SLC39A10: variants seen among roughly 807,000 people sequenced by gnomAD.
SLC39A10 encodes solute carrier family 39 member 10, also known as zinc transporter ZIP10.
Under a neutral mutation model 65.1 loss-of-function variants are expected in SLC39A10, and 13 were observed. That is an observed-to-expected ratio of 0.20 (90% CI 0.13 to 0.32). SLC39A10 has a LOEUF of 0.32. SLC39A10 is among the 10% of genes least tolerant of loss of function. The probability of loss-of-function intolerance (pLI) is 1.00; values close to 1 mark genes in which losing one functional copy is unlikely to be tolerated. For synonymous variants in SLC39A10, 321 were observed against 342.2 expected (o/e 0.94, Z 0.68); for missense variants, 831 against 1,018.4 (o/e 0.82, Z 2.50).
At chr2:195,625,723 A>G (rs1688459817) in intron 2 of SLC39A10, among the ~76,000 whole-genome samples, 1 of 152,204 alleles carries the variant, frequency 6.6e-6, no homozygotes, top group Non-Finnish European at 1.5e-5. Flanking sequence ...TTAAGATAAG[A>G]TCTTTGTTCA....
chr2:195,730,162 CCT>C lies in SLC39A10; in HGVS notation c.2337+1814_2337+1815del, dbSNP rs145901201. ...GAGCCAAACCTAAGCAGGTTTTCCC[CCT>C]GACTTTTCTGCCAGAACTGCTTTTG... is the stretch of plus-strand genomic sequence containing the variant. On this transcript the variant is annotated intron_variant, in intron 9 of 9. Coordinates refer to ENST00000359634, the MANE Select transcript of SLC39A10 (RefSeq NM_020342.3). Among the ~76,000 whole-genome samples the C allele has an allele frequency of 4.8e-3, 730 of 152,014 alleles. 15 individuals are homozygous for C. The East Asian group carries it at 0.074, about 15-fold the overall frequency.
intron 7 of SLC39A10, chr2:195,717,509 C>T (rs1201110245): frequency 6.6e-6 from 1 of 152,420 alleles, no homozygotes; most frequent in East Asian, 1.9e-4. Context: ...GAGATCCAGA[C>T]TCTTTTAGCA....
chr2:195,683,552 T>C, intron 2 of SLC39A10, 147 bp from the exon 3 acceptor site: 1 of 622,506 alleles, frequency 1.6e-6, no homozygotes, highest in Non-Finnish European at 2.7e-6. Context: ...CAAATTCTTA[T>C]TAAAAAGTTT....
At chr2:195,685,962 A>T (rs1690509168) in intron 3 of SLC39A10, among the ~76,000 whole-genome samples, 1 of 152,244 alleles carries the variant, frequency 6.6e-6, no homozygotes, top group Admixed American at 6.5e-5. Context: ...GTATACTTCG[A>T]TAATGAATGT....
chr2:195,649,150 C>CA (rs1253072065), intron 2 of SLC39A10, among the ~76,000 whole-genome samples: 2 of 151,272 alleles, frequency 1.3e-5, no homozygotes, highest in African/African-American at 4.9e-5. Context: ...AAAAACAAAA[C>CA]AAAAAAAGAA....
intron 3 of SLC39A10, among the ~76,000 whole-genome samples, chr2:195,698,118 GT>G (rs1382079049): frequency 6.6e-6 from 1 of 151,368 alleles, no homozygotes; most frequent in Admixed American, 6.6e-5. Flanking sequence ...AATCTTTTTT[GT>G]TTTTTTTAAA....
rs1574294865 is a variant in SLC39A10 at position 195,706,475 on chromosome 2, T to A, written c.1217-141T>A. ...ATATGTCATATTTTTGTTTTGTTTT[T>A]AAACAATGCCTTAAAGCTTTCATAA... On this transcript the variant is annotated intron_variant, in intron 3 of 9. Coordinates refer to ENST00000359634, the MANE Select transcript of SLC39A10 (RefSeq NM_020342.3). 9.6e-6 allele frequency: 7 copies of A among 732,122 alleles called. No homozygotes were observed. The East Asian group carries it at 1.9e-4, about 20-fold the overall frequency. The allele number at this position is 732,122 out of a possible 1,614,324, so 45.4% of individuals were successfully genotyped here.
At chr2:195,668,324 G>A (rs1332007154) in intron 1 of SLC39A10, among the ~76,000 whole-genome samples, 1 of 152,172 alleles carries the variant, frequency 6.6e-6, no homozygotes. Context: ...AAAAAATGAA[G>A]TCCTTTATGA....
chr2:195,724,724 A>G (rs1692173936), intron 8 of SLC39A10, among the ~76,000 whole-genome samples: 1 of 152,194 alleles, frequency 6.6e-6, no homozygotes, highest in African/African-American at 2.4e-5. Context: ...TATTGTTAAG[A>G]TGTTAATTTT....
chr2:195,630,575 G>A (rs1688566097), intron 2 of SLC39A10, among the ~76,000 whole-genome samples: 1 of 152,164 alleles, frequency 6.6e-6, no homozygotes, highest in South Asian at 2.1e-4. Flanking sequence ...GTAGAAGAAG[G>A]GCAAGAGAAG....
chr2:195,654,000 A>T (rs4850371), upstream of SLC39A10, among the ~76,000 whole-genome samples: 1 of 151,952 alleles, frequency 6.6e-6, no homozygotes, highest in Non-Finnish European at 1.5e-5. Context: ...GTGCAATGGC[A>T]TGATCTCGGC....
At chr2:195,721,677 A>C (rs572999537) in intron 8 of SLC39A10, among the ~76,000 whole-genome samples, 1 of 152,192 alleles carries the variant, frequency 6.6e-6, no homozygotes, top group Non-Finnish European at 1.5e-5. Context: ...AATCAAGGCT[A>C]TCAGTTTTTA....
At chr2:195,630,305 G>T (rs192954498) in intron 2 of SLC39A10, among the ~76,000 whole-genome samples, 61 of 152,178 alleles carry the variant, frequency 4.0e-4, no homozygotes, top group African/African-American at 1.4e-3. Context: ...TAGCATGTTT[G>T]TTGGTTTATT....
chr2:195,660,796 A>G (rs1175416367), intron 1 of SLC39A10, among the ~76,000 whole-genome samples: 1 of 152,194 alleles, frequency 6.6e-6, no homozygotes, highest in Non-Finnish European at 1.5e-5. Flanking sequence ...TATATATTTA[A>G]TCTGGGCTTC....
At chr2:195,733,065 T>C (rs990687860) in intron 9 of SLC39A10, among the ~76,000 whole-genome samples, 2 of 152,248 alleles carry the variant, frequency 1.3e-5, no homozygotes, top group African/African-American at 4.8e-5. Context: ...TGCTAAAATA[T>C]ACCATAGCAC....
At chr2:195,687,606 G>A (rs1690575641) in intron 3 of SLC39A10, among the ~76,000 whole-genome samples, 1 of 152,196 alleles carries the variant, frequency 6.6e-6, no homozygotes, top group Non-Finnish European at 1.5e-5. Flanking sequence ...AATGCAGCTT[G>A]AATTAATTAT....
At chr2:195,713,992 T>A (rs1268257104) in intron 6 of SLC39A10, among the ~76,000 whole-genome samples, 2 of 152,056 alleles carry the variant, frequency 1.3e-5, no homozygotes, top group Non-Finnish European at 2.9e-5. Flanking sequence ...AGTAGCGCCA[T>A]CTCGGCTTAC....
intron 5 of SLC39A10, 47 bp downstream of exon 5, chr2:195,708,891 A>G (rs1246913077): frequency 7.2e-7 from 1 of 1,393,642 alleles, no homozygotes. Context: ...AACTCAAAAC[A>G]AAAATTATCC....
chr2:195,617,930 G>C (rs184841389), intron 2 of SLC39A10, among the ~76,000 whole-genome samples: 3 of 149,792 alleles, frequency 2.0e-5, no homozygotes, highest in African/African-American at 7.3e-5. Flanking sequence ...TAGTAGAGAC[G>C]GGGTTTCACC....
Sources: gnomAD v4.1 joint callset for allele counts (sites outside exome capture counted in the v4.1 genomes callset) on GRCh38, gnomAD v4.1.1 for gene constraint, MANE v1.5 for transcripts, NCBI Gene and HGNC (gene_info 2026-07-23, HGNC 2026-07-21) for gene names.